Variants in DDX6 observed in about 807,000 individuals in gnomAD.
The protein encoded by DDX6 is DEAD-box helicase 6.
DDX6 carries 7 observed loss-of-function variants against 60.6 expected under a neutral mutation model. The observed-to-expected ratio is 0.12, with a 90% CI of 0.07 to 0.22. DDX6 has a LOEUF of 0.22. Ranked by LOEUF, DDX6 falls within the 10% of genes least tolerant of loss-of-function variation. The pLI is 1.00. For synonymous variants in DDX6, 207 were observed against 201.0 expected, an observed-to-expected ratio of 1.03 and a Z score of -0.25; for missense variants, 270 against 589.9, an observed-to-expected ratio of 0.46 and a Z score of 5.62.
At chr11:118,769,813 T>C (rs559549293) in intron 4 of DDX6, among the ~76,000 whole-genome samples, 149 of 152,114 alleles carry the variant, frequency 9.8e-4, no homozygotes, top group Non-Finnish European at 2.0e-3. Flanking sequence ...CACGCCATTC[T>C]CCTGCCTCAG....
chr11:118,786,617 A>G (rs1231815727), intron 1 of DDX6, 99 bp from the exon 2 acceptor site: 1 of 190,444 alleles, frequency 5.3e-6, no homozygotes, highest in Non-Finnish European at 1.1e-5. Flanking sequence ...CTTTTATATT[A>G]AAGAATTAAT....
At chr11:118,759,804 C>A in intron 8 of DDX6, 118 bp downstream of exon 8, 22 of 1,172,004 alleles carry the variant, frequency 1.9e-5, no homozygotes, top group Non-Finnish European at 2.3e-5. Flanking sequence ...AAGAAAGAGC[C>A]AAAGGCTTGA....
chr11:118,763,302 G>A lies in DDX6; in HGVS notation c.651C>T (p.His217=), dbSNP rs200178871. The change falls in exon 7 of 14, where the codon CAC becomes CAT. Residue 217 remains histidine (H), a synonymous_variant. Transcript: ENST00000534980. The stretch of plus-strand genomic sequence containing the variant: ...TTCTCCCAGGGGTAGCAATCACCAC[G>A]TGCACTATGCAAGATTTAGAAAACA... ...DDIMRLDDTV[H]VVIATPGRIL... is the part of the protein sequence containing the mutation. 2.2e-4 allele frequency: 355 copies of A among 1,609,644 alleles called. No homozygotes were observed. Among genetic ancestry groups the A allele is most frequent in the Admixed American group, 2.7e-4 (16 of 59,978 alleles).
rs186321315 is a variant in DDX6, at chr11:118,749,587, T to C, written c.*2518A>G. On this transcript the variant is annotated 3_prime_UTR_variant, in exon 14 of 14. Transcript: ENST00000534980. ...GTGCTTTAAGAGGGACCCACAGGCATGTGGCACCACGCAGTCTAAAGTTGG... is the reference window on the plus strand; with the variant it reads ...GTGCTTTAAGAGGGACCCACAGGCACGTGGCACCACGCAGTCTAAAGTTGG... 6.5e-6 allele frequency: 1 copy of C among 152,766 alleles called. No individual in the cohort carries two copies. The highest frequency in any genetic ancestry group is 6.5e-5 in the Admixed American group (1 of 15,306). The allele number at this position is 152,766 out of a possible 1,614,324, so 9.5% of individuals were successfully genotyped here.
At chr11:118,782,099 G>T (rs1861918667) in intron 2 of DDX6, among the ~76,000 whole-genome samples, 1 of 152,178 alleles carries the variant, frequency 6.6e-6, no homozygotes, top group Non-Finnish European at 1.5e-5. Flanking sequence ...TGTAATCCCA[G>T]CTACTCAAGA....
chr11:118,775,123 T>A (rs1192727254), intron 4 of DDX6, among the ~76,000 whole-genome samples: 1 of 152,122 alleles, frequency 6.6e-6, no homozygotes, highest in Admixed American at 6.6e-5. Context: ...AAGACCAACC[T>A]GGACAACATG....
At chr11:118,760,215 G>A (rs1157801782) in intron 7 of DDX6, among the ~76,000 whole-genome samples, 171 bp from the exon 8 acceptor site, 1 of 151,954 alleles carries the variant, frequency 6.6e-6, no homozygotes, top group Non-Finnish European at 1.5e-5. Flanking sequence ...TGCAGAAGGG[G>A]GCAAAATCTA....
chr11:118,781,598 G>A (rs1861902449), intron 2 of DDX6, among the ~76,000 whole-genome samples: 1 of 152,170 alleles, frequency 6.6e-6, no homozygotes, highest in African/African-American at 2.4e-5. Context: ...AGGATTATAG[G>A]TGTGAGCCAC....
chr11:118,755,168 T>TA (rs1334707721), intron 12 of DDX6, among the ~76,000 whole-genome samples: 1 of 152,224 alleles, frequency 6.6e-6, no homozygotes, highest in Non-Finnish European at 1.5e-5. Context: ...ACATACCACC[T>TA]AATGAGTGAA....
intron 7 of DDX6, among the ~76,000 whole-genome samples, chr11:118,762,886 T>C (rs1861222550): frequency 1.3e-5 from 2 of 152,162 alleles, no homozygotes; most frequent in South Asian, 4.1e-4. Context: ...AGAGACAATA[T>C]ATATTATATG....
intron 4 of DDX6, among the ~76,000 whole-genome samples, chr11:118,778,823 G>A (rs1379125481): frequency 6.6e-6 from 1 of 152,052 alleles, no homozygotes; most frequent in Admixed American, 6.6e-5. Context: ...GGCTGAGAAA[G>A]CCTACCTTGA....
chr11:118,752,950 C>G (rs1204206867), intron 13 of DDX6, among the ~76,000 whole-genome samples: 3 of 152,110 alleles, frequency 2.0e-5, no homozygotes, highest in African/African-American at 7.2e-5. Context: ...GATGGGAAGA[C>G]AGGTTGTCCA....
chr11:118,770,293 G>T lies in DDX6; in HGVS notation c.370-1941C>A, dbSNP rs540799279. On this transcript the variant is annotated intron_variant, in intron 4 of 13. Coordinates refer to ENST00000534980, the MANE Select transcript of DDX6 (RefSeq NM_004397.6). ...TCCACCGACCTCGGCCTCCCAAAGT[G>T]TTGGGATTACAGGCATGAGCCACTG... Among the ~76,000 whole-genome samples the T allele has an allele frequency of 1.1e-4, 16 of 152,218 alleles. 1 individual carries two copies. The highest frequency in any genetic ancestry group is 1.0e-3 in the Admixed American group (16 of 15,280).
intron 4 of DDX6, among the ~76,000 whole-genome samples, chr11:118,770,744 T>C (rs1342273989): frequency 2.0e-5 from 3 of 151,640 alleles, no homozygotes; most frequent in Non-Finnish European, 2.9e-5. Flanking sequence ...ACAAAAATGG[T>C]CATGGTGCGC....
At chr11:118,775,805 G>A (rs186408941) in intron 4 of DDX6, among the ~76,000 whole-genome samples, 3 of 152,246 alleles carry the variant, frequency 2.0e-5, no homozygotes, top group Admixed American at 1.3e-4. Flanking sequence ...TTAATACAAG[G>A]TAAGAAATAG....
chr11:118,770,622 G>A (rs1234918584), intron 4 of DDX6, among the ~76,000 whole-genome samples: 1 of 152,122 alleles, frequency 6.6e-6, no homozygotes, highest in Non-Finnish European at 1.5e-5. Flanking sequence ...GGGAACGATG[G>A]CTCATGTCTG....
chr11:118,774,464 C>CTTTTT (rs11442846), intron 4 of DDX6, among the ~76,000 whole-genome samples: 29 of 116,412 alleles, frequency 2.5e-4, no homozygotes, highest in East Asian at 1.5e-3. Context: ...CTCTAACAGT[C>CTTTTT]TTTTTTTTTT....
chr11:118,781,066 T>C, intron 3 of DDX6, 55 bp downstream of exon 3: 4 of 1,222,100 alleles, frequency 3.3e-6, no homozygotes, highest in Non-Finnish European at 4.8e-6. Flanking sequence ...GGGACAGCTA[T>C]ACCTCACTTC....
At position 118,751,880 on chromosome 11, in the gene DDX6, A is replaced by G; in HGVS notation, c.*225T>C. ...TTAAAAACCAGCAGTTAGTGCAACT[A>G]ATGTTCAGTCAGCACACAGTGCAAA... On this transcript the variant is annotated 3_prime_UTR_variant, in exon 14 of 14. Coordinates refer to ENST00000534980, the MANE Select transcript of DDX6 (RefSeq NM_004397.6). 2.3e-6 allele frequency: 1 copy of G among 438,530 alleles called. No individual in the cohort carries two copies. Among genetic ancestry groups the G allele is most frequent in the Non-Finnish European group, 4.6e-6 (1 of 219,582 alleles). 27.2% of individuals were successfully genotyped at this position (438,530 alleles called of 1,614,324 possible). A position where few individuals can be genotyped will look rare whatever the true frequency, so the allele number is the denominator to read the frequency against.
Sources: allele counts gnomAD v4.1 joint callset (sites outside exome capture counted in the v4.1 genomes callset), GRCh38; gene constraint gnomAD v4.1.1; transcripts MANE v1.5; gene names NCBI Gene and HGNC (gene_info 2026-07-23, HGNC 2026-07-21).